The following MTMR7 variants were observed in gnomAD, a reference collection of about 807,000 sequenced individuals.
The protein encoded by MTMR7 is myotubularin related protein 7.
Under a neutral mutation model 81.2 loss-of-function variants are expected in MTMR7, and 76 were observed. That is an observed-to-expected ratio of 0.94 (90% CI 0.78 to 1.13). The LOEUF (loss-of-function observed/expected upper bound fraction) is 1.13, where lower values mean the gene tolerates loss of function less well. Ranked by LOEUF, MTMR7 falls within the 50% of genes most tolerant of loss-of-function variation. The pLI, the probability that MTMR7 is intolerant of heterozygous loss-of-function variation, is 0.00. For missense variants in MTMR7, 1,044 were observed against 820.0 expected (o/e 1.27, Z -3.34); for synonymous variants, 372 against 289.8 (o/e 1.28, Z -2.88).
chr8:17,381,951 T>C lies in MTMR7; in HGVS notation c.25-8711A>G, dbSNP rs1820774850. ...TAGACATTATCCCTGCATTTTGACT[T>C]CTATAAGGGATCTAAAGGGTCTTTA... is the stretch of plus-strand genomic sequence containing the variant. On this transcript the variant is annotated intron_variant, in intron 1 of 13. Coordinates refer to ENST00000180173, the MANE Select transcript of MTMR7 (RefSeq NM_004686.5). 2.6e-5 allele frequency among the ~76,000 whole-genome samples: 4 copies of C among 152,176 alleles called. No homozygotes were observed. The South Asian group carries it at 6.2e-4, about 24-fold the overall frequency.
chr8:17,341,332 C>T, intron 6 of MTMR7, 31 bp downstream of exon 6: 1 of 1,611,930 alleles, frequency 6.2e-7, no homozygotes. Context: ...AACTCAGGTG[C>T]AAAGACATGC....
chr8:17,411,741 G>A (rs1359523392), intron 1 of MTMR7, among the ~76,000 whole-genome samples: 1 of 152,176 alleles, frequency 6.6e-6, no homozygotes, highest in Non-Finnish European at 1.5e-5. Flanking sequence ...AACACTGCTT[G>A]CAACTCAGGT....
intron 1 of MTMR7, among the ~76,000 whole-genome samples, chr8:17,380,467 G>A (rs1820724747): frequency 6.6e-6 from 1 of 151,960 alleles, no homozygotes; most frequent in South Asian, 2.1e-4. Flanking sequence ...GGCCCGGCCA[G>A]CATGGGTCTC....
chr8:17,321,502 T>C (rs1818387046), intron 7 of MTMR7, among the ~76,000 whole-genome samples: 1 of 152,242 alleles, frequency 6.6e-6, no homozygotes, highest in Admixed American at 6.5e-5. Flanking sequence ...CCCTGTGTGC[T>C]GAGTGGCAGT....
At chr8:17,336,962 C>T (rs1819260025) in intron 6 of MTMR7, among the ~76,000 whole-genome samples, 1 of 152,202 alleles carries the variant, frequency 6.6e-6, no homozygotes, top group South Asian at 2.1e-4. Context: ...GGAATGTAAA[C>T]TGTGAGACCC....
At chr8:17,381,983 C>G (rs1563370246) in intron 1 of MTMR7, among the ~76,000 whole-genome samples, 2 of 152,328 alleles carry the variant, frequency 1.3e-5, no homozygotes, top group African/African-American at 4.8e-5. Context: ...TTTAATGTCT[C>G]TCTCCTTTCT....
intron 7 of MTMR7, among the ~76,000 whole-genome samples, chr8:17,325,882 C>A (rs1379198679): frequency 6.6e-6 from 1 of 152,162 alleles, no homozygotes; most frequent in Non-Finnish European, 1.5e-5. Flanking sequence ...CACCTACAGC[C>A]CATCAACGTA....
At chr8:17,364,368 A>T (rs1460293991) in intron 3 of MTMR7, among the ~76,000 whole-genome samples, 1 of 152,196 alleles carries the variant, frequency 6.6e-6, no homozygotes, top group Non-Finnish European at 1.5e-5. Flanking sequence ...TACAATGTGG[A>T]ATGATTAATT....
intron 1 of MTMR7, among the ~76,000 whole-genome samples, chr8:17,373,965 T>C (rs1183190188): frequency 6.6e-6 from 1 of 152,030 alleles, no homozygotes; most frequent in Non-Finnish European, 1.5e-5. Flanking sequence ...GACAAGACAA[T>C]CTCTACAGAG....
At chr8:17,377,099 T>C (rs539775812) in intron 1 of MTMR7, among the ~76,000 whole-genome samples, 1 of 152,244 alleles carries the variant, frequency 6.6e-6, no homozygotes, top group African/African-American at 2.4e-5. Flanking sequence ...CTCCATGCCC[T>C]AGCCTATTCA....
intron 10 of MTMR7, among the ~76,000 whole-genome samples, chr8:17,308,959 T>C (rs1817638933): frequency 2.0e-5 from 3 of 152,218 alleles, no homozygotes; most frequent in Admixed American, 2.0e-4. Flanking sequence ...TCTCTGGACT[T>C]CTAAAATGGA....
At chr8:17,324,617 T>C (rs574674976) in intron 7 of MTMR7, among the ~76,000 whole-genome samples, 26 of 152,226 alleles carry the variant, frequency 1.7e-4, no homozygotes, top group African/African-American at 6.0e-4. Flanking sequence ...CTTGATCCAT[T>C]TCCTTCTTCT....
intron 9 of MTMR7, among the ~76,000 whole-genome samples, chr8:17,310,566 A>G (rs867629925): frequency 2.6e-5 from 4 of 152,178 alleles, no homozygotes; most frequent in Admixed American, 6.5e-5. Context: ...AAATGAAGCA[A>G]TCCAGCCCTC....
At chr8:17,409,920 C>T (rs752838701) in intron 1 of MTMR7, among the ~76,000 whole-genome samples, 44 of 152,142 alleles carry the variant, frequency 2.9e-4, no homozygotes, top group Non-Finnish European at 5.1e-4. Context: ...AAGTTGTGAT[C>T]AGAGGGTTGT....
chr8:17,357,151 A>C (rs545624714), intron 4 of MTMR7, among the ~76,000 whole-genome samples: 25 of 152,362 alleles, frequency 1.6e-4, no homozygotes, highest in African/African-American at 5.3e-4. Context: ...GTAGTGAAAA[A>C]TGAAGGAATC....
chr8:17,365,169 G>C (rs1331606319), intron 3 of MTMR7, among the ~76,000 whole-genome samples: 3 of 152,180 alleles, frequency 2.0e-5, no homozygotes, highest in Non-Finnish European at 4.4e-5. Flanking sequence ...AATGATTATT[G>C]AGGTTGAGCG....
chr8:17,311,591 C>T lies in MTMR7; in HGVS notation c.1021G>A (p.Gly341Ser). 6.2e-7 allele frequency: 1 copy of T among 1,614,132 alleles called. No homozygotes were observed. Among genetic ancestry groups the T allele is most frequent in the Non-Finnish European group, 8.5e-7 (1 of 1,180,024 alleles). The change falls in exon 9 of 14, where the codon GGC (glycine) becomes AGC (serine). Residue 341 changes from glycine (G) to serine (S), a missense_variant. Physicochemically the swap from Gly to Ser is moderately conservative, Grantham distance 56 (BLOSUM62 0). Coordinates refer to ENST00000180173, the MANE Select transcript of MTMR7 (RefSeq NM_004686.5). ...GASVLVHCSD[G>S]WDRTAQVCSV... is the part of the protein sequence containing the mutation. ...CACACCTGAGCGGTCCTGTCCCAGC[C>T]ATCAGAACAGTGAACAAGCACACTT...
intron 4 of MTMR7, among the ~76,000 whole-genome samples, chr8:17,358,033 C>G (rs1019342810): frequency 6.6e-6 from 1 of 151,830 alleles, no homozygotes; most frequent in African/African-American, 2.4e-5. Context: ...AGGGAAAAAC[C>G]ATCCAGTCAT....
At chr8:17,381,956 A>G (rs1418633611) in intron 1 of MTMR7, among the ~76,000 whole-genome samples, 1 of 152,144 alleles carries the variant, frequency 6.6e-6, no homozygotes, top group Non-Finnish European at 1.5e-5. Context: ...TGACTTCTAT[A>G]AGGGATCTAA....
Sources: gnomAD v4.1 joint callset for allele counts (sites outside exome capture counted in the v4.1 genomes callset) on GRCh38, gnomAD v4.1.1 for gene constraint, MANE v1.5 for transcripts, NCBI Gene and HGNC (gene_info 2026-07-23, HGNC 2026-07-21) for gene names.